CD96: variants seen among roughly 807,000 people sequenced by gnomAD.
The protein encoded by CD96 is CD96 molecule, also known as T-cell surface protein tactile.
A neutral mutation model predicts 71.3 loss-of-function variants in CD96; 70 were observed. The observed-to-expected ratio is 0.98, with a 90% CI of 0.81 to 1.20. The LOEUF is 1.20. Among genes scored for constraint, CD96 ranks in the 50% most tolerant of loss-of-function variants. The pLI, the probability that CD96 is intolerant of heterozygous loss-of-function variation, is 0.00. For synonymous variants in CD96, 248 were observed against 233.0 expected, an observed-to-expected ratio of 1.06 and a Z score of -0.59; for missense variants, 742 against 677.5, an observed-to-expected ratio of 1.10 and a Z score of -1.06.
chr3:111,594,326 C>T (rs1937153946), intron 5 of CD96: 1 of 1,241,106 alleles, frequency 8.1e-7, no homozygotes, highest in Non-Finnish European at 1.1e-6. Context: ...ACAATAATGG[C>T]CAAAGTCTGG....
intron 4 of CD96, among the ~76,000 whole-genome samples, chr3:111,584,899 T>C (rs537932487): frequency 1.3e-5 from 2 of 152,252 alleles, no homozygotes; most frequent in Admixed American, 1.3e-4. Context: ...GCACTACCAG[T>C]CTTCCACATT....
intron 2 of CD96, among the ~76,000 whole-genome samples, chr3:111,550,872 G>T (rs570187290): frequency 6.6e-6 from 1 of 152,116 alleles, no homozygotes; most frequent in South Asian, 2.1e-4. Flanking sequence ...AAAACAATTC[G>T]CACAAGGCTT....
At chr3:111,606,995 T>G (rs1249565515) in intron 8 of CD96, 2 of 625,992 alleles carry the variant, frequency 3.2e-6, no homozygotes. Flanking sequence ...TCTAATGGTT[T>G]TTAGTATGTT....
intron 8 of CD96, among the ~76,000 whole-genome samples, chr3:111,622,500 T>C (rs778601336): frequency 6.6e-6 from 1 of 152,248 alleles, no homozygotes; most frequent in Non-Finnish European, 1.5e-5. Flanking sequence ...AAGGTTATCA[T>C]TGATGACCTC....
At chr3:111,608,630 A>T (rs1429585488) in intron 8 of CD96, among the ~76,000 whole-genome samples, 1 of 152,176 alleles carries the variant, frequency 6.6e-6, no homozygotes, top group African/African-American at 2.4e-5. Context: ...GTTATGACCA[A>T]ATTTAGTTCT....
intron 13 of CD96, among the ~76,000 whole-genome samples, chr3:111,648,055 T>A (rs980170926): frequency 1.3e-5 from 2 of 152,274 alleles, no homozygotes; most frequent in East Asian, 3.9e-4. Flanking sequence ...AAGTGTGAAA[T>A]TGAGTGAGAA....
chr3:111,647,713 T>TA, intron 13 of CD96, 47 bp downstream of exon 13: 2 of 1,389,922 alleles, frequency 1.4e-6, no homozygotes, highest in Non-Finnish European at 2.0e-6. Context: ...TTTTTCATTA[T>TA]AAAATATTCA....
chr3:111,607,061 TAAAG>T, intron 8 of CD96: 1 of 507,246 alleles, frequency 2.0e-6, no homozygotes, highest in Non-Finnish European at 3.6e-6. Flanking sequence ...CATCATCTAA[TAAAG>T]AAACTCCTAA....
chr3:111,637,201 T>C lies in CD96; in HGVS notation c.1327T>C (p.Ser443Pro), dbSNP rs1939369910. Reference sequence around the variant, plus strand: ...CTGATATCTTCTTCCTTTAGCAGTTTCACGGATACCTAGTGAAACATACAG... The same window carrying C: ...CTGATATCTTCTTCCTTTAGCAGTTCCACGGATACCTAGTGAAACATACAG... ...SSGTDTKKSVSRIPSETYSSS... is the reference protein window; with the variant it reads ...SSGTDTKKSVPRIPSETYSSS... Residue 443 changes from serine (S) to proline (P), a missense_variant, in exon 11 of 14, where the codon TCA becomes CCA. By Grantham distance (74) the Ser-to-Pro change is moderately conservative. Coordinates refer to ENST00000352690, the MANE Select transcript of CD96 (RefSeq NM_005816.5). 1 of 1,563,974 alleles carries C rather than the reference T, an allele frequency of 6.4e-7. No individual in the cohort carries two copies. The highest frequency in any genetic ancestry group is 8.8e-7 in the Non-Finnish European group (1 of 1,134,168).
intron 14 of CD96, among the ~76,000 whole-genome samples, chr3:111,657,994 T>G (rs1335084047): frequency 2.6e-5 from 4 of 152,194 alleles, no homozygotes; most frequent in Admixed American, 2.0e-4. Flanking sequence ...TTGAAAGGAC[T>G]AAGAAAGAAA....
At chr3:111,599,971 G>A (rs765756580) in intron 6 of CD96, among the ~76,000 whole-genome samples, 3 of 152,212 alleles carry the variant, frequency 2.0e-5, no homozygotes, top group Non-Finnish European at 4.4e-5. Flanking sequence ...TTAATTTTCT[G>A]CTGCCAAGTA....
chr3:111,624,634 T>C (rs753833384), intron 10 of CD96, among the ~76,000 whole-genome samples: 2 of 152,112 alleles, frequency 1.3e-5, no homozygotes, highest in Non-Finnish European at 2.9e-5. Context: ...ATAAGTTATA[T>C]GAAAAAAAGG....
chr3:111,654,133 C>A (rs1488552088), downstream of CD96, among the ~76,000 whole-genome samples: 1 of 152,172 alleles, frequency 6.6e-6, no homozygotes, highest in Non-Finnish European at 1.5e-5. Context: ...AAACTTTGTT[C>A]TCTCTGAGAC....
At position 111,651,499 on chromosome 3, in the gene CD96, GCTT is replaced by G. The variant is rs1940075065; in HGVS notation, c.*1700_*1702del. On this transcript the variant is annotated 3_prime_UTR_variant, in exon 14 of 14. Coordinates refer to ENST00000352690, the MANE Select transcript of CD96 (RefSeq NM_005816.5). Reference sequence around the variant, plus strand: ...AGGCTAGGTCACAAAATACACTGTGGCTTCTTCTTTGATCTCTCTTTGACCATA... The same window carrying G: ...AGGCTAGGTCACAAAATACACTGTGGCTTCTTTGATCTCTCTTTGACCATA... 6.6e-6 allele frequency: 1 copy of G among 152,324 alleles called. No individual in the cohort carries two copies. Among genetic ancestry groups the G allele is most frequent in the South Asian group, 2.1e-4 (1 of 4,822 alleles). 9.4% of individuals were successfully genotyped at this position (152,324 alleles called of 1,614,324 possible). A position where few individuals can be genotyped will look rare whatever the true frequency, so the allele number is the denominator to read the frequency against.
At position 111,544,961 on chromosome 3, in the gene CD96, A is replaced by C. The variant is rs1174623374; in HGVS notation, c.62-85A>C. 4 of 1,140,820 alleles carry C rather than the reference A, an allele frequency of 3.5e-6. No homozygotes were observed. The East Asian group carries it at 9.4e-5, about 27-fold the overall frequency. The allele number at this position is 1,140,820 out of a possible 1,614,324, so 70.7% of individuals were successfully genotyped here. ...AGAAATTTCCTCAGTTGCTCCCCTC[A>C]CCTTACTGAAGTGACTAGGGTTTTT... On this transcript the variant is annotated intron_variant, in intron 1 of 13. Coordinates refer to ENST00000352690, the MANE Select transcript of CD96 (RefSeq NM_005816.5).
intron 3 of CD96, 39 bp downstream of exon 3, chr3:111,567,686 T>C (rs756688474): frequency 5.7e-6 from 9 of 1,572,732 alleles, no homozygotes; most frequent in Non-Finnish European, 7.9e-6. Flanking sequence ...CTCAATGGTC[T>C]TTAAACATTA....
chr3:111,624,816 T>C (rs1938671183), intron 10 of CD96, among the ~76,000 whole-genome samples: 1 of 152,158 alleles, frequency 6.6e-6, no homozygotes, highest in Non-Finnish European at 1.5e-5. Flanking sequence ...AAAATGCGTA[T>C]CAGTAATAAA....
chr3:111,634,867 C>G (rs1190876835), intron 10 of CD96: 3 of 151,476 alleles, frequency 2.0e-5, no homozygotes, highest in Non-Finnish European at 2.9e-5. Flanking sequence ...TGCACTCCAA[C>G]CTGGGTAACA....
intron 5 of CD96, among the ~76,000 whole-genome samples, chr3:111,596,169 T>A (rs1308288681): frequency 5.7e-5 from 7 of 121,870 alleles, no homozygotes; most frequent in Admixed American, 3.3e-4. Flanking sequence ...CTCAAAAAAA[T>A]AAATAAATAA....
Sources: allele counts gnomAD v4.1 joint callset (sites outside exome capture counted in the v4.1 genomes callset), GRCh38; gene constraint gnomAD v4.1.1; transcripts MANE v1.5; gene names NCBI Gene and HGNC (gene_info 2026-07-23, HGNC 2026-07-21).